Variants in FOXJ3 observed in about 807,000 individuals in gnomAD.
The protein encoded by FOXJ3 is forkhead box protein J3.
Under a neutral mutation model 76.1 loss-of-function variants are expected in FOXJ3, and 22 were observed. That is an observed-to-expected ratio of 0.29 (90% CI 0.21 to 0.41). The LOEUF is 0.41. Among genes scored for constraint, FOXJ3 ranks in the 10% least tolerant of loss-of-function variants. The pLI, the probability that FOXJ3 is intolerant of heterozygous loss-of-function variation, is 1.00. For synonymous variants in FOXJ3, 269 were observed against 261.2 expected, an observed-to-expected ratio of 1.03 and a Z score of -0.29; for missense variants, 613 against 762.1, an observed-to-expected ratio of 0.80 and a Z score of 2.30.
intron 1 of FOXJ3, among the ~76,000 whole-genome samples, chr1:42,314,191 G>A (rs1055506288): frequency 6.6e-6 from 1 of 152,112 alleles, no homozygotes; most frequent in Non-Finnish European, 1.5e-5. Flanking sequence ...TCTCCAAAGA[G>A]GTAAACTGGT....
intron 4 of FOXJ3, among the ~76,000 whole-genome samples, chr1:42,239,976 A>G (rs570584173): frequency 1.2e-3 from 188 of 152,308 alleles, no homozygotes; most frequent in African/African-American, 3.9e-3. Context: ...GTAGTAGATG[A>G]TTTTAAAGGT....
intron 4 of FOXJ3, among the ~76,000 whole-genome samples, chr1:42,253,872 C>T (rs1004608420): frequency 6.6e-6 from 1 of 151,850 alleles, no homozygotes; most frequent in African/African-American, 2.4e-5. Context: ...AGAAGAAAAC[C>T]TAGGCATTAC....
chr1:42,328,516 A>G (rs891297461), intron 1 of FOXJ3, among the ~76,000 whole-genome samples: 3 of 152,182 alleles, frequency 2.0e-5, no homozygotes, highest in Non-Finnish European at 4.4e-5. Flanking sequence ...AGGTCCAATT[A>G]CATCAAAATC....
chr1:42,229,417 G>GA (rs1647875123), intron 4 of FOXJ3, among the ~76,000 whole-genome samples: 1 of 152,036 alleles, frequency 6.6e-6, no homozygotes, highest in South Asian at 2.1e-4. Context: ...AATGAGAAGG[G>GA]AAAAAAAGCT....
At chr1:42,184,369 A>G (rs1231898748) in intron 11 of FOXJ3, among the ~76,000 whole-genome samples, 2 of 152,168 alleles carry the variant, frequency 1.3e-5, no homozygotes, top group African/African-American at 2.4e-5. Context: ...GAATTACAGG[A>G]TTATGACAAT....
chr1:42,189,258 G>A lies in FOXJ3; in HGVS notation c.1453+45C>T, dbSNP rs72950502. On this transcript the variant is annotated intron_variant, in intron 10 of 12. Coordinates refer to ENST00000361346, the MANE Select transcript of FOXJ3 (RefSeq NM_014947.5). ...AAAGTTATAATCTAGCAGAGAAACA[G>A]GATCATGTGTATTTGGTTATATGTC... The A allele has an allele frequency of 5.0e-3, 5,682 of 1,141,146 alleles. 193 individuals are homozygous for A. The African/African-American group carries it at 0.075, about 15-fold the overall frequency. The allele number at this position is 1,141,146 out of a possible 1,614,324, so 70.7% of individuals were successfully genotyped here. A position where few individuals can be genotyped will look rare whatever the true frequency, so the allele number is the denominator to read the frequency against.
intron 4 of FOXJ3, among the ~76,000 whole-genome samples, chr1:42,245,072 C>A: frequency 6.7e-6 from 1 of 150,340 alleles, no homozygotes; most frequent in East Asian, 2.0e-4. Flanking sequence ...CCCAGCTACT[C>A]AGAAGGTTGA....
chr1:42,266,530 G>C (rs571228139), intron 3 of FOXJ3, among the ~76,000 whole-genome samples: 1 of 152,134 alleles, frequency 6.6e-6, no homozygotes, highest in Non-Finnish European at 1.5e-5. Context: ...CATCCAAGCA[G>C]TTAAAAAGAA....
intron 1 of FOXJ3, among the ~76,000 whole-genome samples, chr1:42,325,122 A>G (rs143417458): frequency 6.6e-6 from 1 of 152,192 alleles, no homozygotes; most frequent in Non-Finnish European, 1.5e-5. Flanking sequence ...AGTATAGAGG[A>G]TAAGAGTCAA....
chr1:42,324,155 C>T lies in FOXJ3; in HGVS notation c.-18+10904G>A, dbSNP rs1262264. ...ATATACAGTATATATACTATATATACACTGTGTATATATAGTATATATAAA... is the reference window on the plus strand; with the variant it reads ...ATATACAGTATATATACTATATATATACTGTGTATATATAGTATATATAAA... On this transcript the variant is annotated intron_variant, in intron 1 of 12. Coordinates refer to ENST00000361346, the MANE Select transcript of FOXJ3 (RefSeq NM_014947.5). Among the ~76,000 whole-genome samples, 70 of 125,386 alleles carry T rather than the reference C, an allele frequency of 5.6e-4. 2 individuals carry two copies. The highest frequency in any genetic ancestry group is 8.0e-4 in the Non-Finnish European group (48 of 60,348). The allele number at this position is 125,386 out of a possible 152,430, so 82.3% of individuals were successfully genotyped here.
intron 4 of FOXJ3, among the ~76,000 whole-genome samples, chr1:42,251,550 G>A (rs1256957210): frequency 6.6e-6 from 1 of 152,034 alleles, no homozygotes; most frequent in Non-Finnish European, 1.5e-5. Flanking sequence ...TGCATCTATT[G>A]AGATAATCAT....
At chr1:42,303,755 C>T (rs943603745) in intron 2 of FOXJ3, among the ~76,000 whole-genome samples, 2 of 152,200 alleles carry the variant, frequency 1.3e-5, no homozygotes, top group African/African-American at 4.8e-5. Context: ...GAAACTACTA[C>T]AAGTACTACT....
chr1:42,309,838 T>C (rs1229213989), intron 2 of FOXJ3, among the ~76,000 whole-genome samples: 1 of 152,228 alleles, frequency 6.6e-6, no homozygotes, highest in Non-Finnish European at 1.5e-5. Flanking sequence ...AGGTAGAACA[T>C]GGAAGCTTAA....
intron 2 of FOXJ3, among the ~76,000 whole-genome samples, chr1:42,301,668 G>C (rs1195412104): frequency 6.6e-6 from 1 of 152,036 alleles, no homozygotes; most frequent in Non-Finnish European, 1.5e-5. Flanking sequence ...ATTTCCAAAA[G>C]ATGTTTGGGT....
At chr1:42,218,335 T>C (rs1647113387) in intron 5 of FOXJ3, among the ~76,000 whole-genome samples, 1 of 152,250 alleles carries the variant, frequency 6.6e-6, no homozygotes, top group South Asian at 2.1e-4. Flanking sequence ...TGTTCTGTTT[T>C]CTATTTATCC....
At chr1:42,251,275 A>C (rs1329358440) in intron 4 of FOXJ3, among the ~76,000 whole-genome samples, 1 of 152,210 alleles carries the variant, frequency 6.6e-6, no homozygotes, top group Non-Finnish European at 1.5e-5. Context: ...AAAATAATGG[A>C]GGCCAATGGA....
intron 4 of FOXJ3, among the ~76,000 whole-genome samples, chr1:42,258,244 G>A (rs1570078799): frequency 6.6e-6 from 1 of 151,798 alleles, no homozygotes; most frequent in Admixed American, 6.6e-5. Flanking sequence ...AGTTTATTTT[G>A]GCAATCCAAC....
chr1:42,227,847 A>G (rs1647697851), intron 5 of FOXJ3, 36 bp downstream of exon 5: 3 of 1,163,926 alleles, frequency 2.6e-6, no homozygotes, highest in African/African-American at 1.5e-5. Context: ...GACATATTCA[A>G]TGCATTACAC....
intron 5 of FOXJ3, among the ~76,000 whole-genome samples, chr1:42,217,040 T>C (rs1257726012): frequency 2.6e-5 from 4 of 152,114 alleles, no homozygotes; most frequent in African/African-American, 7.2e-5. Context: ...CCTTCAAATA[T>C]ATAGATCTGG....
Sources: allele counts gnomAD v4.1 joint callset (sites outside exome capture counted in the v4.1 genomes callset), GRCh38; gene constraint gnomAD v4.1.1; transcripts MANE v1.5; gene names NCBI Gene and HGNC (gene_info 2026-07-23, HGNC 2026-07-21).